C20orf96: variants seen among roughly 807,000 people sequenced by gnomAD.
C20orf96 encodes chromosome 20 open reading frame 96, also known as uncharacterized protein C20orf96.
A neutral mutation model predicts 52.6 loss-of-function variants in C20orf96; 57 were observed. That is an observed-to-expected ratio of 1.08 (90% CI 0.88 to 1.35). C20orf96 has a LOEUF of 1.35. Ranked by LOEUF, C20orf96 falls within the 40% of genes most tolerant of loss-of-function variation. C20orf96 has a pLI of 0.00. For missense variants in C20orf96, 478 were observed against 443.6 expected (o/e 1.08, Z -0.70); for synonymous variants, 168 against 157.2 (o/e 1.07, Z -0.51).
At position 271,188 on chromosome 20, in the gene C20orf96, C is replaced by G. The variant is rs1308266617; in HGVS notation, c.*19G>C. ...CTGGGAAGAGAGCAGGAGGGGAGGGCGGCCCATGGCACTGCCATCTAGAAG... is the reference window on the plus strand; with the variant it reads ...CTGGGAAGAGAGCAGGAGGGGAGGGGGGCCCATGGCACTGCCATCTAGAAG... On this transcript the variant is annotated 3_prime_UTR_variant, in exon 11 of 11. Transcript: ENST00000360321. 6.5e-7 allele frequency: 1 copy of G among 1,549,388 alleles called. No homozygotes were observed. Among genetic ancestry groups the G allele is most frequent in the Non-Finnish European group, 8.7e-7 (1 of 1,145,030 alleles).
At chr20:271,616 G>A (rs2011844264) in intron 10 of C20orf96, among the ~76,000 whole-genome samples, 3 of 152,308 alleles carry the variant, frequency 2.0e-5, no homozygotes, top group Admixed American at 1.3e-4. Flanking sequence ...GCTTTGGAGT[G>A]AGGATGACAG....
intron 4 of C20orf96, among the ~76,000 whole-genome samples, chr20:282,875 A>T (rs2122295749): frequency 6.6e-6 from 1 of 152,310 alleles, no homozygotes; most frequent in South Asian, 2.1e-4. Context: ...CTGTCTCAAA[A>T]AAAAATTTTT....
Position 289,576 on chromosome 20 carries a change from A to C in C20orf96, c.170T>G (p.Leu57Trp), listed in dbSNP as rs375746621. 3.7e-6 allele frequency: 6 copies of C among 1,613,954 alleles called. No individual in the cohort carries two copies. The highest frequency in any genetic ancestry group is 5.1e-6 in the Non-Finnish European group (6 of 1,179,860). Residue 57 changes from leucine to tryptophan, a missense_variant, in exon 3 of 11, where the codon TTG (leucine) becomes TGG (tryptophan). Coordinates refer to ENST00000360321, the MANE Select transcript of C20orf96 (RefSeq NM_153269.3). The stretch of plus-strand genomic sequence containing the variant: ...CCGCCCACCTGGTTGGACCCTAGTC[A>C]AAGTCTTCATTTTGCTTGTATGAAG... ...NSLHTSKMKTLTRVQPVFHFK... is the reference protein window; with the variant it reads ...NSLHTSKMKTWTRVQPVFHFK...
At chr20:271,308 T>G (rs201163530) in intron 10 of C20orf96, 41 bp from the exon 11 acceptor site, 7 of 1,498,738 alleles carry the variant, frequency 4.7e-6, no homozygotes. Flanking sequence ...AGACCAGAGG[T>G]GGCGGTGTGG....
intron 3 of C20orf96, among the ~76,000 whole-genome samples, chr20:286,793 C>G (rs1381227906): frequency 1.3e-5 from 2 of 152,106 alleles, no homozygotes; most frequent in Non-Finnish European, 2.9e-5. Context: ...CAACCACACC[C>G]ACTTCCCTCC....
In C20orf96 at chr20:290,667, T is replaced by G. The variant is rs1276339392; in HGVS notation, c.-57A>C. The G allele has an allele frequency of 5.0e-6, 8 of 1,601,224 alleles. No individual in the cohort carries two copies. The African/African-American group carries it at 9.5e-5, about 19-fold the overall frequency. On this transcript the variant is annotated 5_prime_UTR_variant, in exon 1 of 11. Transcript: ENST00000360321. ...TGAGACCCTGATCTTCTGGTATAAC[T>G]ACTCGGCTTTTCCAACTTCCTTGTC...
chr20:287,519 T>C (rs1488492024), intron 3 of C20orf96, among the ~76,000 whole-genome samples: 1 of 152,194 alleles, frequency 6.6e-6, no homozygotes, highest in Admixed American at 6.5e-5. Context: ...AATTGTCTGT[T>C]TCACTGTTGA....
intron 3 of C20orf96, among the ~76,000 whole-genome samples, chr20:285,599 A>C (rs938743164): frequency 3.3e-5 from 5 of 152,122 alleles, no homozygotes; most frequent in African/African-American, 7.2e-5. Flanking sequence ...GAAAGGTTTA[A>C]TACACTCTTA....
intron 10 of C20orf96, among the ~76,000 whole-genome samples, chr20:274,805 T>TC (rs2011962876): frequency 6.7e-6 from 1 of 148,692 alleles, no homozygotes; most frequent in Non-Finnish European, 1.5e-5. Context: ...CTTTCTTTTT[T>TC]CTTTTTTTTT....
At chr20:279,437 T>G in intron 4 of C20orf96, 107 bp from the exon 5 acceptor site, 2 of 1,241,308 alleles carry the variant, frequency 1.6e-6, no homozygotes, top group Non-Finnish European at 2.1e-6. Flanking sequence ...CCCGCCCCCG[T>G]GCGGCCTCCT....
At chr20:290,410 T>C (rs532588093) in intron 1 of C20orf96, 103 bp from the exon 2 acceptor site, 3 of 1,559,286 alleles carry the variant, frequency 1.9e-6, no homozygotes, top group Admixed American at 1.9e-5. Context: ...GAAACTGCAG[T>C]TTACCGGGGA....
chr20:275,312 GT>G (rs1568489493), intron 10 of C20orf96, among the ~76,000 whole-genome samples: 1 of 152,042 alleles, frequency 6.6e-6, no homozygotes, highest in Non-Finnish European at 1.5e-5. Flanking sequence ...ATAGTATTTT[GT>G]TTTGGGGGCG....
intron 4 of C20orf96, among the ~76,000 whole-genome samples, chr20:280,754 T>G (rs1568492290): frequency 6.6e-6 from 1 of 152,228 alleles, no homozygotes; most frequent in Non-Finnish European, 1.5e-5. Context: ...GCTCAGCCAC[T>G]TACCATCTAA....
At position 283,988 on chromosome 20, in the gene C20orf96, A is replaced by G; in HGVS notation, c.281T>C (p.Met94Thr). Residue 94 changes from methionine (M) to threonine (T), a missense_variant, in exon 4 of 11, where the codon ATG (methionine) becomes ACG (threonine). Physicochemically the swap from Met to Thr is moderately conservative, Grantham distance 81 (BLOSUM62 -1). Coordinates refer to ENST00000360321, the MANE Select transcript of C20orf96 (RefSeq NM_153269.3). ...CTTCATTAACCAGATTTTGGCATGC[A>G]TCTTCCCAGGGTCCAACTTCCGCCT... ...HRRRKLDPGKMHAKIWLMKTS... is the reference protein window; with the variant it reads ...HRRRKLDPGKTHAKIWLMKTS... 1 of 1,614,082 alleles carries G rather than the reference A, an allele frequency of 6.2e-7. No individual in the cohort carries two copies. The highest frequency in any genetic ancestry group is 8.5e-7 in the Non-Finnish European group (1 of 1,179,958).
At chr20:290,174 A>G (rs1600193063) in intron 2 of C20orf96, 85 bp downstream of exon 2, 1 of 1,066,944 alleles carries the variant, frequency 9.4e-7, no homozygotes, top group East Asian at 2.5e-5. Flanking sequence ...ATATCCGCGG[A>G]GCAGTCACGA....
At chr20:273,373 A>G (rs2011902309) in intron 10 of C20orf96, among the ~76,000 whole-genome samples, 1 of 152,190 alleles carries the variant, frequency 6.6e-6, no homozygotes, top group Non-Finnish European at 1.5e-5. Flanking sequence ...CTGGGCCTAC[A>G]GGGCACTGCA....
At chr20:285,137 C>T (rs1421532850) in intron 3 of C20orf96, among the ~76,000 whole-genome samples, 16 of 152,182 alleles carry the variant, frequency 1.1e-4, no homozygotes, top group Non-Finnish European at 1.2e-4. Flanking sequence ...GACCACAACA[C>T]CAGACGAAGG....
intron 3 of C20orf96, among the ~76,000 whole-genome samples, chr20:284,598 G>A (rs1488420511): frequency 2.6e-5 from 4 of 152,272 alleles, no homozygotes; most frequent in South Asian, 4.1e-4. Flanking sequence ...GCTCACGCCT[G>A]TAATCTCAAC....
In C20orf96 at chr20:271,449, C is replaced by T. The variant is rs1157342275; in HGVS notation, c.1032-182G>A. Among the ~76,000 whole-genome samples the T allele has an allele frequency of 4.4e-5, 3 of 68,160 alleles. No individual in the cohort carries two copies. In the South Asian group the frequency reaches 1.7e-3, roughly 38 times the overall value. The allele number at this position is 68,160 out of a possible 152,430, so 44.7% of individuals were successfully genotyped here. ...AACTGTGCATACACAAGCATACACA[C>T]ACACACACACACACACACACACACA... On this transcript the variant is annotated intron_variant, in intron 10 of 10. Coordinates refer to ENST00000360321, the MANE Select transcript of C20orf96 (RefSeq NM_153269.3).
Sources: allele counts gnomAD v4.1 joint callset (sites outside exome capture counted in the v4.1 genomes callset), GRCh38; gene constraint gnomAD v4.1.1; transcripts MANE v1.5; gene names NCBI Gene and HGNC (gene_info 2026-07-23, HGNC 2026-07-21).